The following SLC36A2 variants were observed in gnomAD, a reference collection of about 807,000 sequenced individuals.
SLC36A2 encodes solute carrier family 36 member 2.
In SLC36A2, 39 loss-of-function variants were observed where a neutral mutation model predicts 42.7. The ratio of observed to expected loss-of-function variants is 0.91; its 90% CI spans 0.71 to 1.19. SLC36A2 has a LOEUF of 1.19. Among genes scored for constraint, SLC36A2 ranks in the 50% most tolerant of loss-of-function variants. The probability of loss-of-function intolerance (pLI) is 0.00; values close to 1 mark genes in which losing one functional copy is unlikely to be tolerated. For missense variants in SLC36A2, 590 were observed against 613.7 expected, an observed-to-expected ratio of 0.96 and a Z score of 0.41; for synonymous variants, 237 against 240.8, an observed-to-expected ratio of 0.98 and a Z score of 0.15.
At chr5:151,325,160 C>T (rs1755815334) in intron 8 of SLC36A2, 126 bp downstream of exon 8, 1 of 1,142,016 alleles carries the variant, frequency 8.8e-7, no homozygotes, top group African/African-American at 1.5e-5. Flanking sequence ...GTTCCAATGA[C>T]AATTCTGCTT....
intron 4 of SLC36A2, among the ~76,000 whole-genome samples, chr5:151,342,113 A>G (rs552371542): frequency 6.6e-6 from 1 of 152,308 alleles, no homozygotes; most frequent in South Asian, 2.1e-4. Context: ...TTTCCTGATT[A>G]AAACCCTCCA....
At chr5:151,338,248 T>C (rs929143063) in intron 5 of SLC36A2, among the ~76,000 whole-genome samples, 4 of 152,238 alleles carry the variant, frequency 2.6e-5, no homozygotes, top group African/African-American at 9.6e-5. Flanking sequence ...TAAAGAATAG[T>C]TTTCTTTTTA....
intron 9 of SLC36A2, among the ~76,000 whole-genome samples, chr5:151,317,470 A>G (rs1280562992): frequency 6.6e-6 from 1 of 151,120 alleles, no homozygotes; most frequent in Non-Finnish European, 1.5e-5. Flanking sequence ...AAAAAAAAAA[A>G]TCCTCTTCTT....
intron 5 of SLC36A2, among the ~76,000 whole-genome samples, chr5:151,336,258 A>G (rs1474034882): frequency 6.6e-6 from 1 of 152,120 alleles, no homozygotes; most frequent in Non-Finnish European, 1.5e-5. Context: ...AGGAATCTGA[A>G]TGTAAACCTA....
intron 5 of SLC36A2, 54 bp from the exon 6 acceptor site, chr5:151,335,601 A>G (rs1756133028): frequency 2.3e-6 from 3 of 1,295,598 alleles, no homozygotes; most frequent in South Asian, 2.4e-5. Flanking sequence ...TTCTAACCTC[A>G]TGGTTGACTC....
intron 8 of SLC36A2, among the ~76,000 whole-genome samples, chr5:151,322,839 C>T (rs1755735328): frequency 6.6e-6 from 1 of 152,172 alleles, no homozygotes; most frequent in Non-Finnish European, 1.5e-5. Flanking sequence ...TGTGAGGCTT[C>T]AAGGGATATT....
At chr5:151,331,500 G>T (rs1295330828) in intron 7 of SLC36A2, among the ~76,000 whole-genome samples, 3 of 150,656 alleles carry the variant, frequency 2.0e-5, no homozygotes, top group Non-Finnish European at 4.4e-5. Flanking sequence ...ATTTTTTTTT[G>T]CAGAGACAGG....
At chr5:151,342,156 A>G (rs1368456447) in intron 4 of SLC36A2, among the ~76,000 whole-genome samples, 1 of 152,184 alleles carries the variant, frequency 6.6e-6, no homozygotes, top group East Asian at 1.9e-4. Context: ...GAAAAGAACA[A>G]ATAGAGTCTT....
chr5:151,335,202 T>G, intron 6 of SLC36A2, 127 bp downstream of exon 6: 1 of 698,212 alleles, frequency 1.4e-6, no homozygotes, highest in South Asian at 1.6e-5. Flanking sequence ...AATGCTACAG[T>G]GAGATGCATG....
intron 4 of SLC36A2, among the ~76,000 whole-genome samples, chr5:151,340,169 AAGG>A (rs1266862480): frequency 0.012 from 1,043 of 88,042 alleles, 16 homozygotes; most frequent in Middle Eastern, 0.029. Context: ...GAAGAAGAGG[AAGG>A]AGGAGGAGGA....
chr5:151,327,224 A>G (rs1025279366), intron 7 of SLC36A2, among the ~76,000 whole-genome samples: 3 of 152,164 alleles, frequency 2.0e-5, no homozygotes, highest in African/African-American at 7.2e-5. Flanking sequence ...CCGTAACTCT[A>G]TGAAGTCGGT....
intron 7 of SLC36A2, among the ~76,000 whole-genome samples, chr5:151,330,388 A>G (rs1412950123): frequency 6.6e-6 from 1 of 152,258 alleles, no homozygotes; most frequent in Non-Finnish European, 1.5e-5. Flanking sequence ...GCAAAAAGAA[A>G]GGAAGTCATA....
Position 151,322,116 on chromosome 5 carries a change from G to A in SLC36A2, c.1110C>T (p.Ile370=). 3 of 1,614,222 alleles carry A rather than the reference G, an allele frequency of 1.9e-6. No individual in the cohort carries two copies. The highest frequency in any genetic ancestry group is 2.5e-6 in the Non-Finnish European group (3 of 1,180,040). ...GTGCCCAGCGTGTTGACACCCGGGA[G>A]ATGGCAAAGGGGATGATGATTTCTG... ...VPAEIIIPFA[I]SRVSTRWALP... is the part of the protein sequence containing the mutation. The change falls in exon 9 of 10, where the codon ATC becomes ATT. Residue 370 remains isoleucine, a synonymous_variant. Coordinates refer to ENST00000335244, the MANE Select transcript of SLC36A2 (RefSeq NM_181776.3).
chr5:151,337,207 AT>A (rs1234277857), intron 5 of SLC36A2, among the ~76,000 whole-genome samples: 11 of 152,046 alleles, frequency 7.2e-5, no homozygotes, highest in African/African-American at 2.4e-4. Flanking sequence ...AACCAATTGT[AT>A]TGCTTCTCCT....
rs1441752393 is a variant in SLC36A2 at position 151,316,917 on chromosome 5, C to A, written c.1352G>T (p.Gly451Val). 2.5e-6 allele frequency: 4 copies of A among 1,614,066 alleles called. No individual in the cohort carries two copies. The highest frequency in any genetic ancestry group is 1.7e-6 in the Non-Finnish European group (2 of 1,179,998). Reference sequence around the variant, plus strand: ...GGTCCCCACCACAAAGCCCACGAAGCCCAGGATGCTGATCAGGGCGTCCTT... The same window carrying A: ...GGTCCCCACCACAAAGCCCACGAAGACCAGGATGCTGATCAGGGCGTCCTT... ...IFKDALISIL[G>V]FVGFVVGTYQ... Residue 451 changes from glycine to valine, a missense_variant, in exon 10 of 10, where the codon GGC (glycine) becomes GTC (valine). By Grantham distance (109) the Gly-to-Val change is moderately radical. Coordinates refer to ENST00000335244, the MANE Select transcript of SLC36A2 (RefSeq NM_181776.3).
At chr5:151,345,130 C>T (rs778783936) in intron 1 of SLC36A2, among the ~76,000 whole-genome samples, 5 of 152,122 alleles carry the variant, frequency 3.3e-5, no homozygotes, top group Non-Finnish European at 7.4e-5. Flanking sequence ...ACTCTATTAG[C>T]GGAATTACAA....
chr5:151,322,344 G>A, intron 8 of SLC36A2, 129 bp from the exon 9 acceptor site: 1 of 1,068,838 alleles, frequency 9.4e-7, no homozygotes, highest in Non-Finnish European at 1.4e-6. Context: ...ATGACTGAGA[G>A]GGACCTTCTA....
intron 5 of SLC36A2, among the ~76,000 whole-genome samples, chr5:151,335,981 C>T (rs1756143899): frequency 6.9e-6 from 1 of 144,330 alleles, no homozygotes; most frequent in African/African-American, 2.7e-5. Context: ...CCAGCCTGGG[C>T]AACAGAGTAA....
At chr5:151,328,632 A>T (rs115069069) in intron 7 of SLC36A2, among the ~76,000 whole-genome samples, 6,345 of 152,300 alleles carry the variant, frequency 0.042, 459 homozygotes, top group African/African-American at 0.15. Context: ...TCACACAGGC[A>T]CCTAAAAATC....
Sources: allele counts gnomAD v4.1 joint callset (sites outside exome capture counted in the v4.1 genomes callset), GRCh38; gene constraint gnomAD v4.1.1; transcripts MANE v1.5; gene names NCBI Gene and HGNC (gene_info 2026-07-23, HGNC 2026-07-21).